The following ABCC5 variants were observed in gnomAD, a reference collection of about 807,000 sequenced individuals.
ABCC5 encodes the protein ATP-binding cassette sub-family C member 5.
A neutral mutation model predicts 160.9 loss-of-function variants in ABCC5; 61 were observed. The ratio of observed to expected loss-of-function variants is 0.38; its 90% confidence interval spans 0.31 to 0.47. ABCC5 has a LOEUF of 0.47. Ranked by LOEUF, ABCC5 falls within the 20% of genes least tolerant of loss-of-function variation. The probability of loss-of-function intolerance (pLI) is 0.99; values close to 1 mark genes in which losing one functional copy is unlikely to be tolerated. For missense variants in ABCC5, 1,308 were observed against 1,813.3 expected (o/e 0.72, Z 5.06); for synonymous variants, 666 against 700.6 (o/e 0.95, Z 0.78).
chr3:183,944,649 G>C (rs926108754), intron 24 of ABCC5, among the ~76,000 whole-genome samples: 119 of 152,126 alleles, frequency 7.8e-4, no homozygotes, highest in African/African-American at 2.7e-3. Context: ...TGTGGCCCTT[G>C]AGCCACATGC....
rs1711866627 is a variant in ABCC5 at position 183,920,504 on chromosome 3, G to A, written c.*796C>T. The A allele has an allele frequency of 6.6e-6, 1 of 152,670 alleles. No homozygotes were observed. Among genetic ancestry groups the A allele is most frequent in the South Asian group, 2.1e-4 (1 of 4,828 alleles). 9.5% of individuals were successfully genotyped at this position (152,670 alleles called of 1,614,324 possible). ...TCTTGTTTAGAAACAACAGCAAAAAGAAGAAGGCAGGAAAGAAACTCCCCG... is the reference window on the plus strand; with the variant it reads ...TCTTGTTTAGAAACAACAGCAAAAAAAAGAAGGCAGGAAAGAAACTCCCCG... On this transcript the variant is annotated 3_prime_UTR_variant, in exon 30 of 30. Coordinates refer to ENST00000334444, the MANE Select transcript of ABCC5 (RefSeq NM_005688.4). This position sits in a 1 kb window ranked among gnomAD's most constrained non-coding sequence, Gnocchi z 4.1.
chr3:183,948,335 C>T (rs533200109), intron 22 of ABCC5, among the ~76,000 whole-genome samples: 187 of 150,694 alleles, frequency 1.2e-3, no homozygotes, highest in African/African-American at 4.1e-3. Context: ...GTTGATATTC[C>T]GCTGCATTTC....
At chr3:183,933,906 G>T (rs199738239) in intron 26 of ABCC5, among the ~76,000 whole-genome samples, 33 of 152,318 alleles carry the variant, frequency 2.2e-4, no homozygotes, top group Non-Finnish European at 4.3e-4. Context: ...TGGTGGAGGC[G>T]CGGTTTCCAG....
intron 2 of ABCC5, among the ~76,000 whole-genome samples, chr3:184,007,122 G>T (rs1444408857): frequency 7.0e-6 from 1 of 143,162 alleles, no homozygotes; most frequent in Admixed American, 7.4e-5. Flanking sequence ...CCGGGTTCAA[G>T]CGATTCTCCT....
At chr3:183,990,397 G>T (rs1434538940) in intron 2 of ABCC5, among the ~76,000 whole-genome samples, 1 of 152,112 alleles carries the variant, frequency 6.6e-6, no homozygotes, top group Non-Finnish European at 1.5e-5. Context: ...GAGCTGCCGC[G>T]CCCAGCTTAT....
At position 183,925,709 on chromosome 3, in the gene ABCC5, A is replaced by C; in HGVS notation, c.4058T>G (p.Leu1353Ter). The C allele has an allele frequency of 6.2e-7, 1 of 1,612,786 alleles. No homozygotes were observed. Among genetic ancestry groups the C allele is most frequent in the Non-Finnish European group, 8.5e-7 (1 of 1,179,738 alleles). ...GTCCATGGCAGCTGTGGCTTCATCT[A>C]AAATCAGAATCTGCCAGAGAAGCAG... ...ALLRHCKILI[L>*]DEATAAMDTE... The change falls in exon 29 of 30, where the codon TTA (leucine) becomes TGA (stop). Residue 1353 changes from leucine to a stop codon, truncating the protein, a stop_gained. Coordinates refer to ENST00000334444, the MANE Select transcript of ABCC5 (RefSeq NM_005688.4). LOFTEE classifies it high-confidence loss of function.
Position 183,950,985 on chromosome 3 carries a change from T to C in ABCC5, c.2944+456A>G, listed in dbSNP as rs73046554. Among the ~76,000 whole-genome samples, 580 of 152,354 alleles carry C rather than the reference T, an allele frequency of 3.8e-3. 7 individuals carry two copies. The highest frequency in any genetic ancestry group is 0.013 in the African/African-American group (540 of 41,582). On this transcript the variant is annotated intron_variant, in intron 20 of 29. Transcript: ENST00000334444. ...TTCAAGGAGTGAAACAACACCCGCC[T>C]GACAGGCCTGCTGCGGGGATTAAGG...
At chr3:184,015,222 T>C (rs1722091770) in intron 1 of ABCC5, among the ~76,000 whole-genome samples, 1 of 152,354 alleles carries the variant, frequency 6.6e-6, no homozygotes, top group South Asian at 2.1e-4. Flanking sequence ...AAGTCTTACC[T>C]AGTTTTTACC....
At chr3:183,928,944 G>T in intron 26 of ABCC5, 119 bp from the exon 27 acceptor site, 2 of 729,554 alleles carry the variant, frequency 2.7e-6, no homozygotes, top group Non-Finnish European at 2.3e-6. Flanking sequence ...AACCCTGATG[G>T]TCACAGACGG....
intron 2 of ABCC5, among the ~76,000 whole-genome samples, chr3:184,004,315 G>A (rs1720993596): frequency 6.6e-6 from 1 of 151,666 alleles, no homozygotes; most frequent in Non-Finnish European, 1.5e-5. Flanking sequence ...CTCGAGACCA[G>A]CCTGGCCAAC....
intron 2 of ABCC5, among the ~76,000 whole-genome samples, chr3:184,012,047 A>AC (rs1576954048): frequency 1.3e-5 from 2 of 150,062 alleles, no homozygotes; most frequent in African/African-American, 5.0e-5. Flanking sequence ...ACACACACAC[A>AC]AATGAGTGCA....
chr3:183,921,314 C>T lies in ABCC5; in HGVS notation c.4300G>A (p.Ala1434Thr), dbSNP rs553921855. ...AMFAAAENKVAVKG is the reference protein window; with the variant it reads ...AMFAAAENKVTVKG The stretch of plus-strand genomic sequence containing the variant: ...ACAGGGAGGAGTCAGCCCTTGACAG[C>T]GACCTTGTTCTCTGCAGCAGCAAAC... Residue 1434 changes from alanine (A) to threonine (T), a missense_variant, in exon 30 of 30, where the codon GCT (alanine) becomes ACT (threonine). Coordinates refer to ENST00000334444, the MANE Select transcript of ABCC5 (RefSeq NM_005688.4). This position sits in a 1 kb window ranked among gnomAD's most constrained non-coding sequence, Gnocchi z 4.1. 8 of 1,582,202 alleles carry T rather than the reference C, an allele frequency of 5.1e-6. No individual in the cohort carries two copies. The highest frequency in any genetic ancestry group is 4.5e-5 in the East Asian group (2 of 44,430).
At chr3:183,947,841 A>T (rs774818434) in intron 22 of ABCC5, among the ~76,000 whole-genome samples, 1 of 152,242 alleles carries the variant, frequency 6.6e-6, no homozygotes, top group Non-Finnish European at 1.5e-5. Context: ...TAAACTTTAG[A>T]AAAATATCTT....
chr3:183,992,758 C>A (rs566376101), intron 2 of ABCC5, among the ~76,000 whole-genome samples: 1 of 151,478 alleles, frequency 6.6e-6, no homozygotes, highest in African/African-American at 2.4e-5. Context: ...CACTGCACTC[C>A]GGCCTGAGCG....
intron 25 of ABCC5, among the ~76,000 whole-genome samples, chr3:183,941,878 G>A (rs1032820329): frequency 1.3e-5 from 2 of 151,704 alleles, no homozygotes; most frequent in African/African-American, 4.8e-5. Flanking sequence ...AGAGGCTGAG[G>A]CAGGAGAATC....
chr3:183,964,797 C>T (rs1462974291), intron 14 of ABCC5, among the ~76,000 whole-genome samples: 2 of 152,220 alleles, frequency 1.3e-5, no homozygotes, highest in East Asian at 1.9e-4. Flanking sequence ...TGGATTTGTT[C>T]TAAGGGCTCT....
Position 183,951,241 on chromosome 3 carries a change from T to A in ABCC5, c.2944+200A>T, listed in dbSNP as rs1362891767. On this transcript the variant is annotated intron_variant, in intron 20 of 29. Transcript: ENST00000334444. This position sits in a 1 kb window ranked among gnomAD's most constrained non-coding sequence, Gnocchi z 4.7. The stretch of plus-strand genomic sequence containing the variant: ...CTCAGATGCCTCTGTTCAAAGCCTT[T>A]CTGCTAACTCAATTCATTGAATTTA... Among the ~76,000 whole-genome samples, 1 of 152,250 alleles carries A rather than the reference T, an allele frequency of 6.6e-6. No homozygotes were observed. Among genetic ancestry groups the A allele is most frequent in the Non-Finnish European group, 1.5e-5 (1 of 68,050 alleles).
intron 2 of ABCC5, among the ~76,000 whole-genome samples, chr3:184,002,098 A>C (rs1720789496): frequency 6.6e-6 from 1 of 152,178 alleles, no homozygotes; most frequent in African/African-American, 2.4e-5. Flanking sequence ...CTAAAGAGGG[A>C]CAATGAAGTT....
At chr3:183,940,833 C>T (rs932021056) in intron 25 of ABCC5, among the ~76,000 whole-genome samples, 14 of 151,840 alleles carry the variant, frequency 9.2e-5, no homozygotes, top group African/African-American at 3.4e-4. Flanking sequence ...CTATTAGAAC[C>T]GGAGTGTAAA....
Sources: allele counts gnomAD v4.1 joint callset (sites outside exome capture counted in the v4.1 genomes callset), GRCh38; gene constraint gnomAD v4.1.1; non-coding constraint Gnocchi (gnomAD v3.1); transcripts MANE v1.5; gene names NCBI Gene and HGNC (gene_info 2026-07-23, HGNC 2026-07-21).